Variants in LUZP1 observed in about 807,000 individuals in gnomAD.
LUZP1 encodes the protein leucine zipper protein 1.
A neutral mutation model predicts 71.3 loss-of-function variants in LUZP1; 25 were observed. The ratio of observed to expected loss-of-function variants is 0.35; its 90% CI spans 0.26 to 0.49. The LOEUF (loss-of-function observed/expected upper bound fraction) is 0.49. Among genes scored for constraint, LUZP1 ranks in the 20% least tolerant of loss-of-function variants. The pLI is 0.99. For synonymous variants in LUZP1, 481 were observed against 506.4 expected (o/e 0.95, Z 0.67); for missense variants, 1,142 against 1,300.8 (o/e 0.88, Z 1.88).
chr1:23,130,277 A>G (rs1342424637), intron 2 of LUZP1, among the ~76,000 whole-genome samples: 1 of 152,178 alleles, frequency 6.6e-6, no homozygotes, highest in African/African-American at 2.4e-5. Flanking sequence ...ATATAAGCAT[A>G]TATTACTATG....
intron 3 of LUZP1, among the ~76,000 whole-genome samples, chr1:23,095,292 C>T (rs1643886744): frequency 6.6e-6 from 1 of 152,120 alleles, no homozygotes; most frequent in African/African-American, 2.4e-5. Context: ...AATTAAAAGG[C>T]AAACAACAGA....
intron 2 of LUZP1, among the ~76,000 whole-genome samples, chr1:23,154,222 CTG>C (rs1395081616): frequency 2.0e-5 from 3 of 152,090 alleles, no homozygotes; most frequent in African/African-American, 7.2e-5. Context: ...GGTGATGGAA[CTG>C]TGCAAAATCT....
At position 23,125,547 on chromosome 1, in the gene LUZP1, G is replaced by A. The variant is rs74062870; in HGVS notation, c.-225-16420C>T. On this transcript the variant is annotated intron_variant, in intron 2 of 4. Transcript: ENST00000302291. ...ATTTTCAATAAACACGGAAAAAAGT[G>A]TTGAGTGTGAGCAAGCTTTTTACTA... Among the ~76,000 whole-genome samples the A allele has an allele frequency of 7.3e-3, 1,118 of 152,312 alleles. 10 individuals carry two copies. The highest frequency in any genetic ancestry group is 0.025 in the African/African-American group (1,057 of 41,572).
chr1:23,136,776 G>T (rs1352255121), intron 2 of LUZP1, among the ~76,000 whole-genome samples: 1 of 152,154 alleles, frequency 6.6e-6, no homozygotes, highest in African/African-American at 2.4e-5. Context: ...AAGTAGCCGG[G>T]CGTGGTGGTG....
intron 2 of LUZP1, among the ~76,000 whole-genome samples, chr1:23,123,590 A>C (rs1408054646): frequency 2.0e-5 from 3 of 152,164 alleles, no homozygotes; most frequent in African/African-American, 7.2e-5. Flanking sequence ...AAATAAATCA[A>C]GATTGAATTG....
intron 2 of LUZP1, among the ~76,000 whole-genome samples, chr1:23,166,912 C>T (rs1400685370): frequency 3.3e-5 from 5 of 152,140 alleles, no homozygotes; most frequent in African/African-American, 1.2e-4. Context: ...CATACTCCAA[C>T]CCATTCCCTT....
At chr1:23,165,193 AT>A (rs1644500405) in intron 2 of LUZP1, among the ~76,000 whole-genome samples, 1 of 152,156 alleles carries the variant, frequency 6.6e-6, no homozygotes, top group Non-Finnish European at 1.5e-5. Context: ...ACCTCATAAC[AT>A]TCCCAGGGAT....
chr1:23,089,586 C>T (rs185297292), intron 4 of LUZP1, among the ~76,000 whole-genome samples: 17 of 130,708 alleles, frequency 1.3e-4, no homozygotes, highest in African/African-American at 4.4e-4. Flanking sequence ...TTTCTCCCTA[C>T]GCCTAGAATT....
chr1:23,098,654 C>T (rs1291339185), intron 3 of LUZP1, among the ~76,000 whole-genome samples: 3 of 151,958 alleles, frequency 2.0e-5, no homozygotes, highest in Non-Finnish European at 4.4e-5. Flanking sequence ...ACGGCAGCAA[C>T]GATAGAGTAT....
chr1:23,098,302 G>A (rs1272118070), intron 3 of LUZP1, among the ~76,000 whole-genome samples: 2 of 152,326 alleles, frequency 1.3e-5, no homozygotes, highest in South Asian at 2.1e-4. Context: ...AAGGGGACTT[G>A]AAGGCTTGTT....
intron 1 of LUZP1, among the ~76,000 whole-genome samples, chr1:23,170,093 C>T (rs577964157): frequency 6.6e-6 from 1 of 152,306 alleles, no homozygotes; most frequent in East Asian, 1.9e-4. Flanking sequence ...CTCCCAGCTT[C>T]TCCCAGCCAG....
exon 5 of LUZP1, chr1:23,084,249 A>AC (rs1643722893): frequency 6.6e-6 from 1 of 152,034 alleles, no homozygotes; most frequent in African/African-American, 2.4e-5. Context: ...TAAAATGGGT[A>AC]CACAGGGCTG....
intron 2 of LUZP1, among the ~76,000 whole-genome samples, chr1:23,117,738 C>G (rs1644096876): frequency 6.6e-6 from 1 of 152,114 alleles, no homozygotes; most frequent in South Asian, 2.1e-4. Flanking sequence ...CTATGTCTAT[C>G]TCCTTCTTTT....
chr1:23,153,225 T>C (rs1644397366), intron 2 of LUZP1, among the ~76,000 whole-genome samples: 1 of 152,202 alleles, frequency 6.6e-6, no homozygotes. Flanking sequence ...CTAAACTCTA[T>C]TACTAGACCA....
chr1:23,153,135 T>G (rs905730340), intron 2 of LUZP1, among the ~76,000 whole-genome samples: 3 of 152,156 alleles, frequency 2.0e-5, no homozygotes, highest in African/African-American at 7.2e-5. Flanking sequence ...CAGGTCCAAA[T>G]TCCTCAGTAT....
chr1:23,128,177 T>G (rs1290832376), intron 2 of LUZP1, among the ~76,000 whole-genome samples: 1 of 152,062 alleles, frequency 6.6e-6, no homozygotes, highest in African/African-American at 2.4e-5. Flanking sequence ...TTCAACTCCC[T>G]TTTAATTTTT....
At chr1:23,176,310 C>A (rs1161157051) in intron 1 of LUZP1, among the ~76,000 whole-genome samples, 1 of 152,156 alleles carries the variant, frequency 6.6e-6, no homozygotes, top group Non-Finnish European at 1.5e-5. Flanking sequence ...GATCTGCCCA[C>A]CTCAGCCTCC....
intron 2 of LUZP1, among the ~76,000 whole-genome samples, chr1:23,152,468 CTAT>C (rs1467655998): frequency 6.6e-6 from 1 of 152,066 alleles, no homozygotes; most frequent in Non-Finnish European, 1.5e-5. Flanking sequence ...AAAAGAGAGG[CTAT>C]GTCTTGTACC....
intron 2 of LUZP1, among the ~76,000 whole-genome samples, chr1:23,144,336 A>G (rs537712742): frequency 2.0e-5 from 3 of 152,286 alleles, no homozygotes; most frequent in East Asian, 3.9e-4. Flanking sequence ...CAGCTGAGAG[A>G]TATCAAGTGG....
Sources: gnomAD v4.1 joint callset for allele counts (sites outside exome capture counted in the v4.1 genomes callset) on GRCh38, gnomAD v4.1.1 for gene constraint, MANE v1.5 for transcripts, NCBI Gene and HGNC (gene_info 2026-07-23, HGNC 2026-07-21) for gene names.